Variants in MAML3 observed in about 807,000 individuals in gnomAD.
MAML3 encodes mastermind like transcriptional coactivator 3, also known as mastermind-like protein 3.
In MAML3, 27 loss-of-function variants were observed where a neutral mutation model predicts 101.9. The ratio of observed to expected loss-of-function variants is 0.27; its 90% CI spans 0.20 to 0.37. The LOEUF (loss-of-function observed/expected upper bound fraction) is 0.37, where lower values mean the gene tolerates loss of function less well. Ranked by LOEUF, MAML3 falls within the 10% of genes least tolerant of loss-of-function variation. The pLI is 1.00. For missense variants in MAML3, 1,316 were observed against 1,444.9 expected, an observed-to-expected ratio of 0.91 and a Z score of 1.45; for synonymous variants, 501 against 555.9, an observed-to-expected ratio of 0.90 and a Z score of 1.39.
intron 2 of MAML3, among the ~76,000 whole-genome samples, chr4:139,885,977 G>GGGAATAAAGAAATAATATA (rs1370965856): frequency 2.8e-5 from 4 of 143,428 alleles, no homozygotes; most frequent in Non-Finnish European, 6.1e-5. Flanking sequence ...AAAAAGTAAA[G>GGGAATAAAGAAATAATATA]GGAATAAAGA....
chr4:139,764,363 G>A (rs1425333816), intron 2 of MAML3, among the ~76,000 whole-genome samples: 7 of 152,226 alleles, frequency 4.6e-5, no homozygotes, highest in Non-Finnish European at 1.5e-5. Flanking sequence ...GCCTGGCAAG[G>A]CTGCTTGCTA....
At chr4:140,102,410 T>A (rs1266770184) in intron 1 of MAML3, among the ~76,000 whole-genome samples, 1 of 152,170 alleles carries the variant, frequency 6.6e-6, no homozygotes, top group Non-Finnish European at 1.5e-5. Flanking sequence ...AAGTCCAAGA[T>A]CAAGGTGCCA....
intron 1 of MAML3, among the ~76,000 whole-genome samples, chr4:140,047,448 G>A (rs1196339682): frequency 1.3e-5 from 2 of 152,172 alleles, no homozygotes; most frequent in African/African-American, 2.4e-5. Context: ...GCCCGTATCT[G>A]AATAATGAAG....
At chr4:139,863,960 C>A (rs2111168889) in intron 2 of MAML3, among the ~76,000 whole-genome samples, 1 of 150,438 alleles carries the variant, frequency 6.6e-6, no homozygotes, top group South Asian at 2.1e-4. Context: ...CAAAACTCAA[C>A]AAATTGTAAC....
At chr4:140,005,420 A>T (rs1726427626) in intron 1 of MAML3, among the ~76,000 whole-genome samples, 1 of 152,252 alleles carries the variant, frequency 6.6e-6, no homozygotes, top group African/African-American at 2.4e-5. Flanking sequence ...TGGAAACATG[A>T]TCACCACAGG....
rs60567042 is a variant in MAML3 at position 139,826,727 on chromosome 4, G to T, written c.2079+62630C>A. Among the ~76,000 whole-genome samples the T allele has an allele frequency of 6.1e-3, 933 of 152,286 alleles. 13 individuals are homozygous for T. Among genetic ancestry groups the T allele is most frequent in the African/African-American group, 0.021 (871 of 41,562 alleles). ...TGTCCAGAACTCCATCATTTAGGCT[G>T]AGACACAAACCCATGCTCTTTTGTG... is the stretch of plus-strand genomic sequence containing the variant. On this transcript the variant is annotated intron_variant, in intron 2 of 4. Transcript: ENST00000509479.
At chr4:140,104,396 T>TATATAATATATATATATTATATATA (rs1560894740) in intron 1 of MAML3, among the ~76,000 whole-genome samples, 20 of 73,510 alleles carry the variant, frequency 2.7e-4, no homozygotes, top group African/African-American at 8.8e-4. Flanking sequence ...TATTATATAT[T>TATATAATATATATATATTATATATA]ATATAATATA....
At chr4:140,086,803 G>A (rs1727959342) in intron 1 of MAML3, among the ~76,000 whole-genome samples, 1 of 152,308 alleles carries the variant, frequency 6.6e-6, no homozygotes, top group Admixed American at 6.5e-5. Context: ...AGAAAAAAAA[G>A]AGAGATTTTA....
intron 1 of MAML3, among the ~76,000 whole-genome samples, chr4:140,057,680 A>G (rs1727372417): frequency 1.3e-5 from 2 of 152,160 alleles, no homozygotes; most frequent in African/African-American, 4.8e-5. Flanking sequence ...ATGGGCTGCA[A>G]TTCAATTATC....
chr4:140,011,472 GTA>G (rs1726562266), intron 1 of MAML3, among the ~76,000 whole-genome samples: 1 of 147,066 alleles, frequency 6.8e-6, no homozygotes. Flanking sequence ...AGCCTCCCGA[GTA>G]GCTGGGACTA....
At chr4:140,043,806 C>T (rs1335008159) in intron 1 of MAML3, among the ~76,000 whole-genome samples, 5 of 152,106 alleles carry the variant, frequency 3.3e-5, no homozygotes. Flanking sequence ...TCAGTGAAGA[C>T]TCACACATAG....
chr4:140,031,225 A>G (rs556831947), intron 1 of MAML3, among the ~76,000 whole-genome samples: 1 of 152,330 alleles, frequency 6.6e-6, no homozygotes, highest in East Asian at 1.9e-4. Flanking sequence ...TCCAATGCTT[A>G]CTCATTCTAT....
At chr4:139,855,817 G>A (rs879454822) in intron 2 of MAML3, among the ~76,000 whole-genome samples, 3 of 152,158 alleles carry the variant, frequency 2.0e-5, no homozygotes, top group Admixed American at 2.0e-4. Flanking sequence ...AAAATTTTAT[G>A]AGTCCACAGG....
intron 1 of MAML3, among the ~76,000 whole-genome samples, chr4:139,995,067 T>A (rs1199223417): frequency 1.3e-5 from 2 of 152,178 alleles, no homozygotes; most frequent in African/African-American, 4.8e-5. Flanking sequence ...TTTTCTGCTA[T>A]TCCTATTTGT....
chr4:139,729,779 C>T (rs1489711518), intron 3 of MAML3, among the ~76,000 whole-genome samples: 3 of 152,182 alleles, frequency 2.0e-5, no homozygotes, highest in African/African-American at 4.8e-5. Flanking sequence ...CGAGGGTGGA[C>T]AAAGATGCTT....
At chr4:140,085,633 G>A (rs1727939534) in intron 1 of MAML3, among the ~76,000 whole-genome samples, 1 of 152,132 alleles carries the variant, frequency 6.6e-6, no homozygotes, top group Non-Finnish European at 1.5e-5. Flanking sequence ...TGGCCAAAAC[G>A]GGCAAACACA....
chr4:139,821,878 T>C (rs898576908), intron 2 of MAML3, among the ~76,000 whole-genome samples: 22 of 152,362 alleles, frequency 1.4e-4, no homozygotes, highest in Admixed American at 3.9e-4. Flanking sequence ...ACTATGTGAA[T>C]TGTAGGCATC....
At chr4:139,825,874 G>A (rs1731052901) in intron 2 of MAML3, among the ~76,000 whole-genome samples, 1 of 152,192 alleles carries the variant, frequency 6.6e-6, no homozygotes, top group Non-Finnish European at 1.5e-5. Context: ...TGTGAAGGGA[G>A]AAGAGAGGAG....
intron 1 of MAML3, among the ~76,000 whole-genome samples, chr4:140,046,455 T>C (rs757346460): frequency 1.2e-4 from 19 of 152,208 alleles, no homozygotes; most frequent in Non-Finnish European, 2.2e-4. Context: ...GACTGATAAA[T>C]AAGATTTAAT....
Sources: allele counts gnomAD v4.1 joint callset (sites outside exome capture counted in the v4.1 genomes callset), GRCh38; gene constraint gnomAD v4.1.1; transcripts MANE v1.5; gene names NCBI Gene and HGNC (gene_info 2026-07-23, HGNC 2026-07-21).